NVL: variants seen among roughly 807,000 people sequenced by gnomAD.
The protein encoded by NVL is nuclear VCP like.
NVL carries 84 observed loss-of-function variants against 110.2 expected under a neutral mutation model. The observed-to-expected ratio is 0.76, with a 90% CI of 0.64 to 0.91. The LOEUF is 0.91. Among genes scored for constraint, NVL ranks in the 40% least tolerant of loss-of-function variants. The pLI is 0.00. For synonymous variants in NVL, 354 were observed against 361.1 expected (o/e 0.98, Z 0.22); for missense variants, 882 against 1,035.9 (o/e 0.85, Z 2.04).
intron 20 of NVL, among the ~76,000 whole-genome samples, chr1:224,234,181 CTTAT>C (rs1660210631): frequency 6.6e-6 from 1 of 152,074 alleles, no homozygotes; most frequent in African/African-American, 2.4e-5. Flanking sequence ...CAGGCCTTCA[CTTAT>C]TTAATTAGTT....
At chr1:224,265,139 C>T (rs934578406) in intron 18 of NVL, among the ~76,000 whole-genome samples, 2 of 152,018 alleles carry the variant, frequency 1.3e-5, no homozygotes, top group Admixed American at 1.3e-4. Flanking sequence ...AATATACACA[C>T]ATAGGGAAAA....
At chr1:224,314,164 T>C (rs1217666234) in intron 4 of NVL, among the ~76,000 whole-genome samples, 3 of 152,208 alleles carry the variant, frequency 2.0e-5, no homozygotes, top group Non-Finnish European at 2.9e-5. Flanking sequence ...TAAGTCCAAA[T>C]GCACTGGAAA....
At chr1:224,298,976 T>C (rs1668143171) in intron 10 of NVL, among the ~76,000 whole-genome samples, 1 of 152,214 alleles carries the variant, frequency 6.6e-6, no homozygotes, top group East Asian at 1.9e-4. Context: ...TCAGTTAAAA[T>C]GAAAAAAATT....
chr1:224,314,716 G>A (rs1198732680), intron 4 of NVL, among the ~76,000 whole-genome samples: 7 of 152,172 alleles, frequency 4.6e-5, no homozygotes, highest in Non-Finnish European at 1.0e-4. Flanking sequence ...CTAATATCAT[G>A]AGGCCGGTGT....
chr1:224,310,838 C>T (rs1669447332), intron 5 of NVL, among the ~76,000 whole-genome samples: 1 of 152,098 alleles, frequency 6.6e-6, no homozygotes. Flanking sequence ...TCAAGCGATC[C>T]TCCAGCCTCA....
rs531603984 is a variant in NVL, at chr1:224,329,357, G to A, written c.57+714C>T. ...AGGTGTATGAGGAAAGAGGAGGAAG[G>A]GGAGGTAAGAGAACAGTGGCACAGA... On this transcript the variant is annotated intron_variant, in intron 1 of 22. Coordinates refer to ENST00000281701, the MANE Select transcript of NVL (RefSeq NM_002533.4). Among the ~76,000 whole-genome samples, 9 of 150,260 alleles carry A rather than the reference G, an allele frequency of 6.0e-5. No individual in the cohort carries two copies. The East Asian group carries it at 1.8e-3, about 29-fold the overall frequency.
intron 22 of NVL, among the ~76,000 whole-genome samples, chr1:224,229,304 T>A (rs4653570): frequency 0.7 from 103,853 of 147,742 alleles, 37,807 homozygotes; most frequent in South Asian, 0.85. Context: ...CTCAAAAAAA[T>A]AAATAAATAA....
chr1:224,293,638 G>A (rs750537558), intron 12 of NVL, among the ~76,000 whole-genome samples: 1 of 152,166 alleles, frequency 6.6e-6, no homozygotes, highest in Non-Finnish European at 1.5e-5. Context: ...ACCTATAAGT[G>A]GACCAGATGG....
chr1:224,287,370 T>TTATATTTCAAAACAGCTAGAAGAAAAAAG (rs1162572127), intron 14 of NVL, among the ~76,000 whole-genome samples: 1 of 152,036 alleles, frequency 6.6e-6, no homozygotes, highest in Admixed American at 6.6e-5. Flanking sequence ...GGTAGGGAAA[T>TTATATTTCAAAACAGCTAGAAGAAAAAAG]TATATTTCAA....
At chr1:224,280,090 G>A (rs191458306) in intron 16 of NVL, among the ~76,000 whole-genome samples, 233 of 151,496 alleles carry the variant, frequency 1.5e-3, no homozygotes, top group Non-Finnish European at 2.9e-3. Context: ...ACCAAATTCA[G>A]CCTTGTGGTA....
intron 9 of NVL, chr1:224,301,659 G>A: frequency 2.9e-6 from 1 of 345,518 alleles, no homozygotes; most frequent in East Asian, 1.2e-4. Flanking sequence ...AATTAGCCAG[G>A]CATGCTGATG....
At chr1:224,274,586 G>A (rs1010013269) in intron 17 of NVL, among the ~76,000 whole-genome samples, 2 of 151,676 alleles carry the variant, frequency 1.3e-5, no homozygotes, top group African/African-American at 2.4e-5. Flanking sequence ...GCAGTGAGCC[G>A]AGATGCACCA....
chr1:224,326,573 G>A (rs4653578), intron 1 of NVL, 109 bp from the exon 2 acceptor site: 633,798 of 633,824 alleles, frequency 1, 316,886 homozygotes, highest in Non-Finnish European at 1. Context: ...TAAACTCTTC[G>A]TTAATAAAGT....
At chr1:224,280,013 C>G (rs577296582) in intron 16 of NVL, among the ~76,000 whole-genome samples, 10 of 151,930 alleles carry the variant, frequency 6.6e-5, no homozygotes, top group African/African-American at 2.2e-4. Context: ...TAAAATAATA[C>G]TATATATTGT....
intron 15 of NVL, among the ~76,000 whole-genome samples, chr1:224,282,257 A>G (rs534734532): frequency 1.3e-5 from 2 of 151,994 alleles, no homozygotes; most frequent in Non-Finnish European, 2.9e-5. Flanking sequence ...TGGTAGAGGC[A>G]GGGTTTTGCC....
At position 224,229,363 on chromosome 1, in the gene NVL, T is replaced by C. The variant is rs117198499; in HGVS notation, c.2527-1693A>G. ...GCTGTTTCATATCCTTGCCACCATT[T>C]AGTGTTGCCAATATTTTAAATTTTA... On this transcript the variant is annotated intron_variant, in intron 22 of 22. Transcript: ENST00000281701. Among the ~76,000 whole-genome samples the C allele has an allele frequency of 2.9e-3, 449 of 152,214 alleles. 2 individuals are homozygous for C. Among genetic ancestry groups the C allele is most frequent in the East Asian group, 0.012 (63 of 5,180 alleles).
chr1:224,249,822 C>T (rs1480895174), intron 19 of NVL, among the ~76,000 whole-genome samples: 9 of 152,152 alleles, frequency 5.9e-5, no homozygotes, highest in African/African-American at 2.2e-4. Context: ...CAGCCTTGAC[C>T]TCCTGGGCTC....
At chr1:224,304,963 T>C (rs540809996) in intron 7 of NVL, 71 bp downstream of exon 7, 8 of 1,583,904 alleles carry the variant, frequency 5.1e-6, no homozygotes, top group African/African-American at 4.1e-5. Context: ...TCAAGCAAAA[T>C]AGCTTGGGAC....
chr1:224,238,133 A>G (rs919282711), intron 19 of NVL, among the ~76,000 whole-genome samples: 1 of 151,972 alleles, frequency 6.6e-6, no homozygotes, highest in Non-Finnish European at 1.5e-5. Context: ...TCCCGGGCTC[A>G]AGCCATCCTC....
Sources: allele counts gnomAD v4.1 joint callset (sites outside exome capture counted in the v4.1 genomes callset), GRCh38; gene constraint gnomAD v4.1.1; transcripts MANE v1.5; gene names NCBI Gene and HGNC (gene_info 2026-07-23, HGNC 2026-07-21).